The following MLN variants were observed in gnomAD, a reference collection of about 807,000 sequenced individuals.
MLN encodes the protein promotilin.
In MLN, 14 loss-of-function variants were observed where a neutral mutation model predicts 13.3. That is an observed-to-expected ratio of 1.05 (90% CI 0.69 to 1.64). The LOEUF (loss-of-function observed/expected upper bound fraction) is 1.64, where lower values mean the gene tolerates loss of function less well. MLN is among the 40% of genes most tolerant of loss of function. MLN has a pLI of 0.00. For synonymous variants in MLN, 59 were observed against 54.7 expected, an observed-to-expected ratio of 1.08 and a Z score of -0.34; for missense variants, 122 against 142.9, an observed-to-expected ratio of 0.85 and a Z score of 0.75.
At position 33,803,203 on chromosome 6, in the gene MLN, G is replaced by T. The variant is rs918800538; in HGVS notation, c.-8+750C>A. 6.6e-6 allele frequency among the ~76,000 whole-genome samples: 1 copy of T among 152,132 alleles called. No individual in the cohort carries two copies. The highest frequency in any genetic ancestry group is 2.4e-5 in the African/African-American group (1 of 41,418). ...TTCAAGTGTCCAGCTCTGCATGAAGGGGGTGACCGTCTGCCCTCCCTTGCA... is the reference window on the plus strand; with the variant it reads ...TTCAAGTGTCCAGCTCTGCATGAAGTGGGTGACCGTCTGCCCTCCCTTGCA... On this transcript the variant is annotated intron_variant, in intron 1 of 4. Coordinates refer to ENST00000430124, the MANE Select transcript of MLN (RefSeq NM_002418.3). This position sits in a 1 kb window ranked among gnomAD's most constrained non-coding sequence, Gnocchi z 4.5.
chr6:33,799,128 C>T lies in MLN; in HGVS notation c.211G>A (p.Glu71Lys), dbSNP rs1413801627. The part of the protein sequence containing the change: ...GPVDPAEPIR[E>K]EENEMIKLTA... Reference sequence around the variant, plus strand: ...ACCTTGATCATTTCGTTTTCTTCTTCCCTGATGGGCTCCGCAGGGTCTACA... The same window carrying T: ...ACCTTGATCATTTCGTTTTCTTCTTTCCTGATGGGCTCCGCAGGGTCTACA... Residue 71 changes from glutamate (E) to lysine (K), a missense_variant, in exon 3 of 5, where the codon GAA (glutamate) becomes AAA (lysine). By Grantham distance (56) the Glu-to-Lys change is moderately conservative (BLOSUM62 1). Coordinates refer to ENST00000430124, the MANE Select transcript of MLN (RefSeq NM_002418.3). This position sits in a 1 kb window ranked among gnomAD's most constrained non-coding sequence, Gnocchi z 4.6. 3 of 1,609,746 alleles carry T rather than the reference C, an allele frequency of 1.9e-6. No homozygotes were observed. Among genetic ancestry groups the T allele is most frequent in the African/African-American group, 2.7e-5 (2 of 74,860 alleles).
In MLN at chr6:33,795,596, G is replaced by A. The variant is rs1162340893; in HGVS notation, c.244C>T (p.Pro82Ser). The A allele has an allele frequency of 6.4e-7, 1 of 1,556,726 alleles. No individual in the cohort carries two copies. The highest frequency in any genetic ancestry group is 1.9e-5 in the Admixed American group (1 of 51,538). Residue 82 changes from proline to serine, a missense_variant, in exon 4 of 5, where the codon CCT becomes TCT. Pro to Ser is a moderately conservative substitution (Grantham distance 74). Coordinates refer to ENST00000430124, the MANE Select transcript of MLN (RefSeq NM_002418.3). The part of the protein sequence containing the change: ...EENEMIKLTA[P>S]LEIGMRMNSR... ...TTCATCCTCATTCCAATTTCCAGAG[G>A]AGCAGTCAGCTGTGAAATAAGGCAG...
At position 33,803,269 on chromosome 6, in the gene MLN, C is replaced by T. The variant is rs1760891590; in HGVS notation, c.-8+684G>A. On this transcript the variant is annotated intron_variant, in intron 1 of 4. Coordinates refer to ENST00000430124, the MANE Select transcript of MLN (RefSeq NM_002418.3). The surrounding 1 kb of genome is among the most constrained non-coding windows in gnomAD (Gnocchi z 4.5). ...CTAGCCTTGCCTCCCCATGTGCTCTCCCTCGGGGTCAACTTTTTCTTTTCC... is the reference window on the plus strand; with the variant it reads ...CTAGCCTTGCCTCCCCATGTGCTCTTCCTCGGGGTCAACTTTTTCTTTTCC... 6.6e-6 allele frequency among the ~76,000 whole-genome samples: 1 copy of T among 151,928 alleles called. No individual in the cohort carries two copies. Among genetic ancestry groups the T allele is most frequent in the Admixed American group, 6.6e-5 (1 of 15,254 alleles).
chr6:33,801,070 A>C lies in MLN; in HGVS notation c.94T>G (p.Tyr32Asp). Reference sequence around the variant, plus strand: ...ACCTGCATCCTCTGGAGTTCGCCATAGGTGAAGATGGGGACGAAGGCTTCC... The same window carrying C: ...ACCTGCATCCTCTGGAGTTCGCCATCGGTGAAGATGGGGACGAAGGCTTCC... ...QTEAFVPIFTYGELQRMQEKE... is the reference protein window; with the variant it reads ...QTEAFVPIFTDGELQRMQEKE... The change falls in exon 2 of 5, where the codon TAT (tyrosine) becomes GAT (aspartate). Residue 32 changes from tyrosine (Y) to aspartate (D), a missense_variant. Transcript: ENST00000430124. The C allele has an allele frequency of 6.2e-7, 1 of 1,614,002 alleles. No individual in the cohort carries two copies. The highest frequency in any genetic ancestry group is 1.1e-5 in the South Asian group (1 of 91,088).
At chr6:33,800,929 G>A in intron 2 of MLN, 118 bp downstream of exon 2, 1 of 765,368 alleles carries the variant, frequency 1.3e-6, no homozygotes, top group Non-Finnish European at 2.3e-6. Context: ...TGGCCAGAGA[G>A]GTGGCTGGAA....
Position 33,794,777 on chromosome 6 carries a change from G to C in MLN, c.*48C>G. On this transcript the variant is annotated 3_prime_UTR_variant, in exon 5 of 5. Transcript: ENST00000430124. ...CTGTAAATTCCCAGGGCCTCACTTG[G>C]GCAGGAGGGGCCTCCCAAATCTGTC... 1 of 1,610,876 alleles carries C rather than the reference G, an allele frequency of 6.2e-7. No individual in the cohort carries two copies. The highest frequency in any genetic ancestry group is 1.3e-5 in the African/African-American group (1 of 74,938).
At chr6:33,795,640 G>A in intron 3 of MLN, 35 bp from the exon 4 acceptor site, 4 of 1,532,482 alleles carry the variant, frequency 2.6e-6, no homozygotes, top group Non-Finnish European at 3.5e-6. Flanking sequence ...ACGAGGGAGA[G>A]GTGGAGAGGG....
In MLN at chr6:33,803,307, C is replaced by CTTTT. The variant is rs535908944; in HGVS notation, c.-8+642_-8+645dup. ...CTTTTTCTTTTCCTTTTCTTTTCTT[C>CTTTT]TTTTTTTTTTTTTTTTCTGAGATGG... On this transcript the variant is annotated intron_variant, in intron 1 of 4. Transcript: ENST00000430124. The surrounding 1 kb of genome is among the most constrained non-coding windows in gnomAD (Gnocchi z 4.5). Among the ~76,000 whole-genome samples, 6 of 136,128 alleles carry CTTTT rather than the reference C, an allele frequency of 4.4e-5. No homozygotes were observed. Among genetic ancestry groups the CTTTT allele is most frequent in the Non-Finnish European group, 7.8e-5 (5 of 64,052 alleles). 89.3% of individuals were successfully genotyped at this position (136,128 alleles called of 152,430 possible).
intron 1 of MLN, among the ~76,000 whole-genome samples, chr6:33,802,299 G>A (rs2395400): frequency 0.22 from 33,326 of 152,076 alleles, 3,925 homozygotes; most frequent in Admixed American, 0.3. Flanking sequence ...TCCAAGCAGG[G>A]AGGGGAGGCC....
intron 3 of MLN, among the ~76,000 whole-genome samples, chr6:33,798,075 C>A (rs1767964682): frequency 6.6e-6 from 1 of 152,186 alleles, no homozygotes; most frequent in Non-Finnish European, 1.5e-5. Context: ...CTCTTCTGGT[C>A]TTTGTGCTGC....
rs553295601 is a variant in MLN at position 33,802,419 on chromosome 6, T to C, written c.-7-1249A>G. Among the ~76,000 whole-genome samples the C allele has an allele frequency of 2.6e-3, 399 of 152,268 alleles. 1 individual carries two copies. Among genetic ancestry groups the C allele is most frequent in the African/African-American group, 9.2e-3 (383 of 41,544 alleles). Reference sequence around the variant, plus strand: ...TGGATTCTGTCGGCAGGAGAGGGTCTGCCCTGGAAAGGCCTCGGGGCTTCT... The same window carrying C: ...TGGATTCTGTCGGCAGGAGAGGGTCCGCCCTGGAAAGGCCTCGGGGCTTCT... On this transcript the variant is annotated intron_variant, in intron 1 of 4. Coordinates refer to ENST00000430124, the MANE Select transcript of MLN (RefSeq NM_002418.3).
intron 4 of MLN, 49 bp from the exon 5 acceptor site, chr6:33,794,884 A>T: frequency 1.2e-6 from 2 of 1,608,118 alleles, no homozygotes; most frequent in African/African-American, 2.7e-5. Context: ...AGGTCTGCTT[A>T]TGAAACTGCC....
At position 33,799,018 on chromosome 6, in the gene MLN, G is replaced by A. The variant is rs1211557763; in HGVS notation, c.234+87C>T. ...ATCCTAGGACACTCTGAGGCTCACT[G>A]TGGCTTGTGGGCTCTGCCTCCAGGC... On this transcript the variant is annotated intron_variant, in intron 3 of 4. Transcript: ENST00000430124. The surrounding 1 kb of genome is among the most constrained non-coding windows in gnomAD (Gnocchi z 4.6). The A allele has an allele frequency of 1.1e-6, 1 of 891,564 alleles. No individual in the cohort carries two copies. Among genetic ancestry groups the A allele is most frequent in the Non-Finnish European group, 1.8e-6 (1 of 554,718 alleles). 55.2% of individuals were successfully genotyped at this position (891,564 alleles called of 1,614,324 possible).
At position 33,801,170 on chromosome 6, in the gene MLN, G is replaced by A. The variant is rs1407222284; in HGVS notation, c.-7C>T. 6 of 1,607,870 alleles carry A rather than the reference G, an allele frequency of 3.7e-6. No homozygotes were observed. The highest frequency in any genetic ancestry group is 5.1e-6 in the Non-Finnish European group (6 of 1,174,558). On this transcript the variant is annotated splice_region_variant and 5_prime_UTR_variant, in exon 2 of 5. Transcript: ENST00000430124. ...CAGCCTTACGGGATACCATCTTGGA[G>A]CTGGACAATGACAAGGAGCTCTTGT...
rs534815746 is a variant in MLN at position 33,802,895 on chromosome 6, G to T, written c.-8+1058C>A. Among the ~76,000 whole-genome samples the T allele has an allele frequency of 4.5e-4, 69 of 152,278 alleles. 1 individual carries two copies. Among genetic ancestry groups the T allele is most frequent in the African/African-American group, 1.5e-3 (64 of 41,550 alleles). On this transcript the variant is annotated intron_variant, in intron 1 of 4. Transcript: ENST00000430124. ...GGGGCCTGCTTTTCCCCCCAGCAGA[G>T]ACGGATGTGTCACATTTATGGCATC...
At chr6:33,801,587 G>A (rs73744700) in intron 1 of MLN, among the ~76,000 whole-genome samples, 60 of 152,318 alleles carry the variant, frequency 3.9e-4, no homozygotes, top group African/African-American at 1.3e-3. Flanking sequence ...CCCTGCCCCA[G>A]TGCCTATTAG....
chr6:33,799,066 G>T lies in MLN; in HGVS notation c.234+39C>A. On this transcript the variant is annotated intron_variant, in intron 3 of 4. Coordinates refer to ENST00000430124, the MANE Select transcript of MLN (RefSeq NM_002418.3). The surrounding 1 kb of genome is among the most constrained non-coding windows in gnomAD (Gnocchi z 4.6). ...GGCCAGGCAGGGGAATGCATGCCCTGCTCTGAGTTTCTCTCCTTTGTCCCA... is the reference window on the plus strand; with the variant it reads ...GGCCAGGCAGGGGAATGCATGCCCTTCTCTGAGTTTCTCTCCTTTGTCCCA... 6.9e-7 allele frequency: 1 copy of T among 1,447,550 alleles called. No individual in the cohort carries two copies. The highest frequency in any genetic ancestry group is 9.7e-7 in the Non-Finnish European group (1 of 1,033,768). The allele number at this position is 1,447,550 out of a possible 1,614,324, so 89.7% of individuals were successfully genotyped here.
chr6:33,798,569 T>C (rs1767975662), intron 3 of MLN, among the ~76,000 whole-genome samples: 1 of 152,216 alleles, frequency 6.6e-6, no homozygotes, highest in South Asian at 2.1e-4. Context: ...CCACTCATGC[T>C]GCCCCAGCTC....
In MLN at chr6:33,799,219, T is replaced by C. The variant is rs776799196; in HGVS notation, c.120A>G (p.Glu40=). The C allele has an allele frequency of 2.7e-5, 43 of 1,609,266 alleles. No homozygotes were observed. The highest frequency in any genetic ancestry group is 3.4e-5 in the Non-Finnish European group (40 of 1,176,256). ...TCTTTTGCCCTTTATTCCGTTCCTTTTCCTAGGGGCAGAACAGAAAATTGC... is the reference window on the plus strand; with the variant it reads ...TCTTTTGCCCTTTATTCCGTTCCTTCTCCTAGGGGCAGAACAGAAAATTGC... The part of the protein sequence containing the change: ...FTYGELQRMQ[E]KERNKGQKKS... Residue 40 remains glutamate (E), a splice_region_variant and synonymous_variant, in exon 3 of 5, where the codon GAA becomes GAG. Coordinates refer to ENST00000430124, the MANE Select transcript of MLN (RefSeq NM_002418.3). The surrounding 1 kb of genome is among the most constrained non-coding windows in gnomAD (Gnocchi z 4.6).
Sources: allele counts gnomAD v4.1 joint callset (sites outside exome capture counted in the v4.1 genomes callset), GRCh38; gene constraint gnomAD v4.1.1; non-coding constraint Gnocchi (gnomAD v3.1); transcripts MANE v1.5; gene names NCBI Gene and HGNC (gene_info 2026-07-23, HGNC 2026-07-21).